Variants in ROBO2 observed in about 807,000 individuals in gnomAD.
ROBO2 encodes the protein roundabout homolog 2.
A neutral mutation model predicts 160.8 loss-of-function variants in ROBO2; 53 were observed. The ratio of observed to expected loss-of-function variants is 0.33; its 90% CI spans 0.26 to 0.41. The LOEUF (loss-of-function observed/expected upper bound fraction) is 0.41. ROBO2 is among the 10% of genes least tolerant of loss of function. The pLI, the probability that ROBO2 is intolerant of heterozygous loss-of-function variation, is 1.00. For missense variants in ROBO2, 1,577 were observed against 1,722.4 expected, an observed-to-expected ratio of 0.92 and a Z score of 1.49; for synonymous variants, 664 against 611.7, an observed-to-expected ratio of 1.09 and a Z score of -1.26.
At chr3:77,605,658 G>A (rs981296205) in intron 20 of ROBO2, among the ~76,000 whole-genome samples, 2 of 152,102 alleles carry the variant, frequency 1.3e-5, no homozygotes, top group Non-Finnish European at 2.9e-5. Context: ...ACAGAATTCA[G>A]GGCTCTGGAA....
intron 2 of ROBO2, among the ~76,000 whole-genome samples, chr3:77,436,812 A>G (rs980235222): frequency 1.3e-5 from 2 of 151,938 alleles, no homozygotes; most frequent in Non-Finnish European, 2.9e-5. Flanking sequence ...GTCTATTCAA[A>G]TAGGAATAAG....
intron 2 of ROBO2, among the ~76,000 whole-genome samples, chr3:76,107,806 T>G (rs2108213553): frequency 6.6e-6 from 1 of 152,248 alleles, no homozygotes; most frequent in East Asian, 1.9e-4. Context: ...ATATTTTTCT[T>G]ATTTTTCCCA....
At chr3:76,978,712 T>G (rs1221721167) in intron 2 of ROBO2, among the ~76,000 whole-genome samples, 1 of 152,002 alleles carries the variant, frequency 6.6e-6, no homozygotes, top group East Asian at 1.9e-4. Context: ...GAAGAGAAAT[T>G]GCAACCTTAT....
intron 2 of ROBO2, among the ~76,000 whole-genome samples, chr3:77,155,244 G>A (rs186901011): frequency 3.4e-4 from 52 of 151,978 alleles, no homozygotes; most frequent in Middle Eastern, 3.4e-3. Context: ...ATAGCAAGGG[G>A]GAATTAAATT....
intron 2 of ROBO2, among the ~76,000 whole-genome samples, chr3:76,915,877 G>A (rs1346959939): frequency 1.3e-5 from 2 of 152,130 alleles, no homozygotes; most frequent in Non-Finnish European, 2.9e-5. Context: ...CAAATCCAGT[G>A]TGTGGTGAGG....
chr3:77,191,573 A>T (rs1484257903), intron 2 of ROBO2, among the ~76,000 whole-genome samples: 1 of 99,190 alleles, frequency 1.0e-5, no homozygotes, highest in East Asian at 2.3e-4. Context: ...AGGCACTTGG[A>T]GTTTTTTAAA....
At chr3:76,500,705 A>G (rs2080413850) in intron 2 of ROBO2, among the ~76,000 whole-genome samples, 1 of 152,220 alleles carries the variant, frequency 6.6e-6, no homozygotes, top group African/African-American at 2.4e-5. Flanking sequence ...ATGAGATAAA[A>G]GTTAATTTTT....
chr3:76,229,042 A>T (rs932948472), intron 2 of ROBO2, among the ~76,000 whole-genome samples: 5 of 152,172 alleles, frequency 3.3e-5, no homozygotes, highest in African/African-American at 1.2e-4. Context: ...AAAAGAAATA[A>T]GATATCTTAA....
chr3:76,632,092 T>C (rs2090067700), intron 2 of ROBO2, among the ~76,000 whole-genome samples: 1 of 152,226 alleles, frequency 6.6e-6, no homozygotes, highest in Non-Finnish European at 1.5e-5. Flanking sequence ...TGTACCGCCT[T>C]TCTCTGCCCT....
At chr3:77,037,086 G>A (rs1214896800), upstream of ROBO2, among the ~76,000 whole-genome samples, 2 of 151,932 alleles carry the variant, frequency 1.3e-5, no homozygotes, top group Non-Finnish European at 2.9e-5. Context: ...TTGTTCTTTT[G>A]GAATTAATGT....
At chr3:77,139,198 A>C (rs2076510214) in intron 2 of ROBO2, among the ~76,000 whole-genome samples, 1 of 152,092 alleles carries the variant, frequency 6.6e-6, no homozygotes, top group South Asian at 2.1e-4. Context: ...GTGGAGTTGG[A>C]GACAAACTGC....
intron 2 of ROBO2, among the ~76,000 whole-genome samples, chr3:77,277,694 G>A (rs986947512): frequency 3.9e-5 from 6 of 151,974 alleles, no homozygotes; most frequent in African/African-American, 1.2e-4. Context: ...TTCTTTATCC[G>A]GTCTGTCACT....
At chr3:76,122,581 A>G (rs896703442) in intron 2 of ROBO2, among the ~76,000 whole-genome samples, 11 of 152,118 alleles carry the variant, frequency 7.2e-5, no homozygotes, top group Admixed American at 7.2e-4. Flanking sequence ...ATCCATGGAT[A>G]CTTAAAAGCA....
chr3:77,341,936 A>C (rs1287593339), intron 2 of ROBO2, among the ~76,000 whole-genome samples: 1 of 152,126 alleles, frequency 6.6e-6, no homozygotes, highest in Non-Finnish European at 1.5e-5. Flanking sequence ...AGAAAGAAAT[A>C]AAAGAGAACA....
intron 2 of ROBO2, among the ~76,000 whole-genome samples, chr3:76,987,326 G>A (rs1033485308): frequency 6.6e-6 from 1 of 152,100 alleles, no homozygotes; most frequent in African/African-American, 2.4e-5. Flanking sequence ...TGTTCATTTT[G>A]TTTCAGTTCC....
intron 2 of ROBO2, among the ~76,000 whole-genome samples, chr3:76,373,694 A>G (rs1456388287): frequency 6.6e-6 from 1 of 151,990 alleles, no homozygotes; most frequent in African/African-American, 2.4e-5. Context: ...TTGAATGTAA[A>G]AATGAAGATT....
At chr3:77,552,047 G>A (rs943178281) in intron 8 of ROBO2, among the ~76,000 whole-genome samples, 2 of 151,968 alleles carry the variant, frequency 1.3e-5, no homozygotes, top group African/African-American at 4.8e-5. Flanking sequence ...ACTGAAAGGA[G>A]AAGTCAGGTT....
chr3:77,192,021 A>G (rs1412177287), intron 2 of ROBO2, among the ~76,000 whole-genome samples: 1 of 152,192 alleles, frequency 6.6e-6, no homozygotes, highest in Non-Finnish European at 1.5e-5. Context: ...TGTGGGAATG[A>G]GTAGTAATGT....
chr3:76,530,324 T>A (rs1189675752), intron 2 of ROBO2, among the ~76,000 whole-genome samples: 1 of 152,188 alleles, frequency 6.6e-6, no homozygotes, highest in African/African-American at 2.4e-5. Context: ...TTTTAAGTTC[T>A]CACTCAGACT....
Sources: allele counts gnomAD v4.1 joint callset (sites outside exome capture counted in the v4.1 genomes callset), GRCh38; gene constraint gnomAD v4.1.1; transcripts MANE v1.5; gene names NCBI Gene and HGNC (gene_info 2026-07-23, HGNC 2026-07-21).